The following LRP1B variants were observed in gnomAD, a reference collection of about 807,000 sequenced individuals.
The protein encoded by LRP1B is LDL receptor related protein 1B.
LRP1B carries 217 observed loss-of-function variants against 556.6 expected under a neutral mutation model. That is an observed-to-expected ratio of 0.39 (90% CI 0.35 to 0.44). The LOEUF is 0.44. LRP1B is among the 20% of genes least tolerant of loss of function. The probability of loss-of-function intolerance (pLI) is 1.00; values close to 1 mark genes in which losing one functional copy is unlikely to be tolerated. For synonymous variants in LRP1B, 2,047 were observed against 1,865.8 expected (o/e 1.10, Z -2.50); for missense variants, 5,053 against 5,620.8 (o/e 0.90, Z 3.23).
intron 68 of LRP1B, among the ~76,000 whole-genome samples, chr2:140,376,546 T>A (rs1573863612): frequency 6.6e-6 from 1 of 152,018 alleles, no homozygotes; most frequent in South Asian, 2.1e-4. Context: ...GGTAAATGAG[T>A]GTAAAAAATG....
At chr2:140,820,103 G>A (rs1212659256) in intron 31 of LRP1B, among the ~76,000 whole-genome samples, 5 of 152,200 alleles carry the variant, frequency 3.3e-5, no homozygotes, top group African/African-American at 1.2e-4. Flanking sequence ...GGGCTCAAGA[G>A]ATTCTCTTGC....
At chr2:140,846,954 T>C (rs904987377) in intron 29 of LRP1B, among the ~76,000 whole-genome samples, 10 of 152,142 alleles carry the variant, frequency 6.6e-5, no homozygotes, top group African/African-American at 1.9e-4. Context: ...CTGGAAAAAA[T>C]TGAAAGGCAA....
rs1276888987 is a variant in LRP1B, at chr2:140,867,771, A to G, written c.4398T>C (p.His1466=). The change falls in exon 27 of 91, where the codon CAT becomes CAC. Residue 1466 remains histidine (H), a synonymous_variant. Transcript: ENST00000389484. The part of the protein sequence containing the change: ...GTNMIEIIRG[H]EYLSHPFAVS... ...CAGCAAAGGGATGGGAAAGGTATTC[A>G]TGACCTCGGATGATTTCTATCATGT... The G allele has an allele frequency of 1.2e-6, 2 of 1,608,056 alleles. No individual in the cohort carries two copies. Among genetic ancestry groups the G allele is most frequent in the Non-Finnish European group, 1.7e-6 (2 of 1,176,972 alleles).
At chr2:141,584,946 C>T (rs1183552446) in intron 2 of LRP1B, among the ~76,000 whole-genome samples, 1 of 151,962 alleles carries the variant, frequency 6.6e-6, no homozygotes, top group Non-Finnish European at 1.5e-5. Context: ...TTCAGTTTTG[C>T]AAGATGAAAA....
At chr2:140,683,689 C>T in intron 41 of LRP1B, 1 of 714,262 alleles carries the variant, frequency 1.4e-6, no homozygotes, top group Non-Finnish European at 2.6e-6. Context: ...GGTGCCTTCA[C>T]TCCGGGCTGG....
At chr2:141,793,389 T>A (rs950032027) in intron 2 of LRP1B, among the ~76,000 whole-genome samples, 1 of 151,954 alleles carries the variant, frequency 6.6e-6, no homozygotes, top group Non-Finnish European at 1.5e-5. Context: ...TTGAACACTT[T>A]TGTATAGTGC....
intron 49 of LRP1B, among the ~76,000 whole-genome samples, chr2:140,521,874 G>A (rs775530434): frequency 3.6e-4 from 55 of 151,960 alleles, no homozygotes; most frequent in South Asian, 4.1e-4. Flanking sequence ...TTTGCTATTC[G>A]TATATCAGAT....
At chr2:141,928,692 T>C (rs1043552534) in intron 1 of LRP1B, among the ~76,000 whole-genome samples, 4 of 152,206 alleles carry the variant, frequency 2.6e-5, no homozygotes, top group African/African-American at 9.6e-5. Flanking sequence ...AAGCATGAAA[T>C]TGGCAATTTC....
At chr2:141,941,378 C>T (rs941213207) in intron 1 of LRP1B, among the ~76,000 whole-genome samples, 2 of 152,192 alleles carry the variant, frequency 1.3e-5, no homozygotes, top group Non-Finnish European at 2.9e-5. Context: ...ATGCAAGGCT[C>T]ATCACTGCCC....
intron 37 of LRP1B, among the ~76,000 whole-genome samples, chr2:140,712,168 G>C (rs1431527009): frequency 6.6e-6 from 1 of 152,094 alleles, no homozygotes; most frequent in Non-Finnish European, 1.5e-5. Flanking sequence ...AATTTTGAGA[G>C]TGTCTGTTTT....
chr2:141,654,128 T>C (rs1296640076), intron 2 of LRP1B, among the ~76,000 whole-genome samples: 1 of 152,194 alleles, frequency 6.6e-6, no homozygotes, highest in Non-Finnish European at 1.5e-5. Context: ...CCTGTGATTA[T>C]TTTATGAAAG....
At chr2:141,962,467 T>A (rs1003359524) in intron 1 of LRP1B, among the ~76,000 whole-genome samples, 8 of 151,822 alleles carry the variant, frequency 5.3e-5, no homozygotes, top group African/African-American at 1.9e-4. Flanking sequence ...GATATCCATA[T>A]AGACCTGTTC....
intron 14 of LRP1B, among the ~76,000 whole-genome samples, chr2:141,006,770 A>G (rs916544126): frequency 4.6e-5 from 7 of 152,016 alleles, no homozygotes; most frequent in African/African-American, 1.7e-4. Context: ...AAACCTGTAC[A>G]TAGCATGCTA....
chr2:140,346,835 T>C (rs1386910026), intron 77 of LRP1B, among the ~76,000 whole-genome samples: 3 of 151,904 alleles, frequency 2.0e-5, no homozygotes, highest in Non-Finnish European at 4.4e-5. Flanking sequence ...TGCTAAAAGC[T>C]TTTTGGGAAA....
At chr2:140,391,829 G>A (rs976052010) in intron 66 of LRP1B, among the ~76,000 whole-genome samples, 28 of 152,104 alleles carry the variant, frequency 1.8e-4, no homozygotes, top group African/African-American at 6.5e-4. Context: ...AGGCTACCAT[G>A]TTTTTATTCT....
intron 33 of LRP1B, among the ~76,000 whole-genome samples, chr2:140,774,968 CT>C (rs1297503829): frequency 3.9e-5 from 6 of 152,088 alleles, no homozygotes; most frequent in African/African-American, 1.4e-4. Flanking sequence ...CACATACGTT[CT>C]GTATATGTGA....
intron 35 of LRP1B, among the ~76,000 whole-genome samples, chr2:140,748,615 A>G (rs1404433936): frequency 8.5e-6 from 1 of 118,120 alleles, no homozygotes; most frequent in Admixed American, 1.0e-4. Flanking sequence ...ATATATATAT[A>G]TATATATATA....
At chr2:140,889,147 C>A (rs1034420754) in intron 23 of LRP1B, among the ~76,000 whole-genome samples, 1 of 152,096 alleles carries the variant, frequency 6.6e-6, no homozygotes, top group African/African-American at 2.4e-5. Flanking sequence ...GTTACTAGTC[C>A]ATAGTGAAGT....
intron 32 of LRP1B, among the ~76,000 whole-genome samples, chr2:140,781,873 G>A (rs1689710971): frequency 6.6e-6 from 1 of 152,128 alleles, no homozygotes; most frequent in Admixed American, 6.5e-5. Flanking sequence ...GTATTTAATG[G>A]TTGCTTTTCC....
Sources: gnomAD v4.1 joint callset for allele counts (sites outside exome capture counted in the v4.1 genomes callset) on GRCh38, gnomAD v4.1.1 for gene constraint, MANE v1.5 for transcripts, NCBI Gene and HGNC (gene_info 2026-07-23, HGNC 2026-07-21) for gene names.